The following PDIA5 variants were observed in gnomAD, a reference collection of about 807,000 sequenced individuals.
The protein encoded by PDIA5 is protein disulfide isomerase family A member 5, also known as protein disulfide-isomerase A5.
PDIA5 carries 58 observed loss-of-function variants against 77.6 expected under a neutral mutation model. That is an observed-to-expected ratio of 0.75 (90% CI 0.61 to 0.93). The LOEUF (loss-of-function observed/expected upper bound fraction) is 0.93. Ranked by LOEUF, PDIA5 falls within the 40% of genes least tolerant of loss-of-function variation. PDIA5 has a pLI of 0.00. For synonymous variants in PDIA5, 250 were observed against 252.1 expected, an observed-to-expected ratio of 0.99 and a Z score of 0.08; for missense variants, 630 against 647.7, an observed-to-expected ratio of 0.97 and a Z score of 0.30.
At chr3:123,134,997 G>A (rs1455151461) in intron 11 of PDIA5, among the ~76,000 whole-genome samples, 1 of 152,198 alleles carries the variant, frequency 6.6e-6, no homozygotes, top group Non-Finnish European at 1.5e-5. Flanking sequence ...CTCACAGTGG[G>A]GCCTCACATG....
chr3:123,125,146 C>T (rs1303456981), intron 10 of PDIA5, among the ~76,000 whole-genome samples: 2 of 152,216 alleles, frequency 1.3e-5, no homozygotes, highest in Non-Finnish European at 2.9e-5. Flanking sequence ...AGGCCACCCT[C>T]GCTGAGCACG....
At chr3:123,112,892 C>G (rs532113452) in intron 7 of PDIA5, among the ~76,000 whole-genome samples, 8 of 152,224 alleles carry the variant, frequency 5.3e-5, no homozygotes, top group Admixed American at 1.3e-4. Context: ...TGGGTGTCCT[C>G]CAGCCCCAGC....
Position 123,145,657 on chromosome 3 carries a change from A to G in PDIA5, c.981+65A>G. The stretch of plus-strand genomic sequence containing the variant: ...AGAATCACTGACAGGTGGAATCATT[A>G]TGACTTTCCCCTGCAAGCCCTGCTG... On this transcript the variant is annotated intron_variant, in intron 12 of 16. Transcript: ENST00000316218. The G allele has an allele frequency of 3.6e-6, 5 of 1,403,906 alleles. No individual in the cohort carries two copies. The South Asian group carries it at 4.7e-5, about 13-fold the overall frequency. The allele number at this position is 1,403,906 out of a possible 1,614,324, so 87.0% of individuals were successfully genotyped here.
intron 5 of PDIA5, 57 bp downstream of exon 5, chr3:123,102,853 C>G (rs1934637382): frequency 6.0e-6 from 7 of 1,173,410 alleles, no homozygotes; most frequent in Non-Finnish European, 7.7e-6. Context: ...CGCCCAAAGT[C>G]TGGCAGGTTT....
intron 8 of PDIA5, among the ~76,000 whole-genome samples, chr3:123,121,414 A>G (rs1180781307): frequency 2.0e-5 from 3 of 152,262 alleles, no homozygotes; most frequent in Non-Finnish European, 4.4e-5. Context: ...GGCCGAGACC[A>G]GGTGTGTCAC....
At chr3:123,117,394 A>ATATATATG (rs1454241414) in intron 8 of PDIA5, among the ~76,000 whole-genome samples, 3 of 137,456 alleles carry the variant, frequency 2.2e-5, no homozygotes, top group Non-Finnish European at 3.1e-5. Context: ...ATATATATAT[A>ATATATATG]TATATTCTGT....
chr3:123,149,989 C>T (rs917472583), intron 13 of PDIA5, among the ~76,000 whole-genome samples: 2 of 152,190 alleles, frequency 1.3e-5, no homozygotes, highest in African/African-American at 4.8e-5. Flanking sequence ...GAAATGGTGT[C>T]AAGTCTTCCA....
At chr3:123,102,867 C>T (rs985323833) in intron 5 of PDIA5, 71 bp downstream of exon 5, 1 of 1,021,422 alleles carries the variant, frequency 9.8e-7, no homozygotes, top group African/African-American at 1.6e-5. Flanking sequence ...CAGGTTTTCT[C>T]TCTGAGAAAA....
chr3:123,082,380 A>C (rs963585024), intron 1 of PDIA5, among the ~76,000 whole-genome samples: 12 of 151,962 alleles, frequency 7.9e-5, no homozygotes, highest in African/African-American at 2.9e-4. Flanking sequence ...AATTAATGTA[A>C]CCTGTCTGAG....
chr3:123,114,820 C>T (rs1359215685), intron 7 of PDIA5, among the ~76,000 whole-genome samples: 4 of 152,202 alleles, frequency 2.6e-5, no homozygotes, highest in African/African-American at 4.8e-5. Flanking sequence ...AGGCTGGCCT[C>T]GAAACAGCTC....
chr3:123,095,091 G>A (rs535244763), intron 3 of PDIA5, among the ~76,000 whole-genome samples: 9 of 152,312 alleles, frequency 5.9e-5, no homozygotes, highest in Admixed American at 2.6e-4. Context: ...AGTTAGCTGC[G>A]CTGCTCACTA....
intron 8 of PDIA5, among the ~76,000 whole-genome samples, chr3:123,116,550 G>A (rs1935001616): frequency 6.6e-6 from 1 of 152,246 alleles, no homozygotes; most frequent in African/African-American, 2.4e-5. Context: ...TAGGACACCA[G>A]CAAGATGCAC....
At chr3:123,110,132 T>A (rs1576447032) in intron 6 of PDIA5, among the ~76,000 whole-genome samples, 1 of 152,294 alleles carries the variant, frequency 6.6e-6, no homozygotes, top group Non-Finnish European at 1.5e-5. Context: ...CTTTTTCCCA[T>A]CCATCATTGG....
intron 2 of PDIA5, 22 bp from the exon 3 acceptor site, chr3:123,092,333 A>AT: frequency 6.3e-7 from 1 of 1,599,696 alleles, no homozygotes; most frequent in East Asian, 2.2e-5. Flanking sequence ...CAGATGTTTA[A>AT]TTTTTTGTTT....
intron 11 of PDIA5, among the ~76,000 whole-genome samples, chr3:123,136,296 G>A (rs1262080481): frequency 6.6e-6 from 1 of 152,176 alleles, no homozygotes. Flanking sequence ...CTTGTTATCA[G>A]CAGTGCAAGG....
chr3:123,154,956 T>C lies in PDIA5; in HGVS notation c.1274-15T>C. The C allele has an allele frequency of 6.4e-7, 1 of 1,571,564 alleles. No homozygotes were observed. Among genetic ancestry groups the C allele is most frequent in the Non-Finnish European group, 8.8e-7 (1 of 1,141,326 alleles). ...TGCATCACAGTCCTGTGTGCTCTCT[T>C]CCCCTCTCACACAGGGTGCCCACAC... On this transcript the variant is annotated splice_polypyrimidine_tract_variant and intron_variant, in intron 14 of 16. Transcript: ENST00000316218.
rs1218942041 is a variant in PDIA5, at chr3:123,130,546, C to T, written c.840C>T (p.His280=). 6.2e-7 allele frequency: 1 copy of T among 1,614,116 alleles called. No individual in the cohort carries two copies. The highest frequency in any genetic ancestry group is 1.7e-4 in the Middle Eastern group (1 of 6,060). Reference sequence around the variant, plus strand: ...CAGATGAGGGCGGCTCCGTTTATCACCTGACCGATGAAGACTTTGACCAGT... The same window carrying T: ...CAGATGAGGGCGGCTCCGTTTATCATCTGACCGATGAAGACTTTGACCAGT... ...PWADEGGSVY[H]LTDEDFDQFV... The change falls in exon 11 of 17, where the codon CAC becomes CAT. Residue 280 remains histidine, a synonymous_variant. Transcript: ENST00000316218.
At chr3:123,096,495 TC>T (rs1934444610) in intron 3 of PDIA5, among the ~76,000 whole-genome samples, 2 of 151,904 alleles carry the variant, frequency 1.3e-5, no homozygotes, top group Admixed American at 6.6e-5. Flanking sequence ...GGCCTGGCCT[TC>T]TTTTGGCCTC....
chr3:123,150,378 G>A lies in PDIA5; in HGVS notation c.1273+14G>A, dbSNP rs1251097358. The A allele has an allele frequency of 3.7e-6, 6 of 1,611,584 alleles. No individual in the cohort carries two copies. The highest frequency in any genetic ancestry group is 1.7e-4 in the Middle Eastern group (1 of 6,048). The stretch of plus-strand genomic sequence containing the variant: ...TCTACGCCCCTTGTAAGTAGCTTGG[G>A]TGCTCACTGAGTGGCACAGTAAGAG... On this transcript the variant is annotated intron_variant, in intron 14 of 16. Transcript: ENST00000316218.
Sources: gnomAD v4.1 joint callset for allele counts (sites outside exome capture counted in the v4.1 genomes callset) on GRCh38, gnomAD v4.1.1 for gene constraint, MANE v1.5 for transcripts, NCBI Gene and HGNC (gene_info 2026-07-23, HGNC 2026-07-21) for gene names.